Variants in EXOC2 observed in about 807,000 individuals in gnomAD.
EXOC2 encodes SEC5-like 1.
A neutral mutation model predicts 131.8 loss-of-function variants in EXOC2; 70 were observed. That is an observed-to-expected ratio of 0.53 (90% CI 0.44 to 0.65). The LOEUF (loss-of-function observed/expected upper bound fraction) is 0.65. Among genes scored for constraint, EXOC2 ranks in the 30% least tolerant of loss-of-function variants. The pLI, the probability that EXOC2 is intolerant of heterozygous loss-of-function variation, is 0.00. For synonymous variants in EXOC2, 411 were observed against 398.4 expected, an observed-to-expected ratio of 1.03 and a Z score of -0.38; for missense variants, 923 against 1,108.6, an observed-to-expected ratio of 0.83 and a Z score of 2.38.
intron 5 of EXOC2, 39 bp from the exon 6 acceptor site, chr6:617,874 A>T (rs2127677316): frequency 6.3e-7 from 1 of 1,596,372 alleles, no homozygotes; most frequent in East Asian, 2.2e-5. Context: ...GACACTTCTA[A>T]CATGCAAGAA....
At chr6:502,495 G>A (rs1429343805) in intron 23 of EXOC2, among the ~76,000 whole-genome samples, 2 of 152,046 alleles carry the variant, frequency 1.3e-5, no homozygotes, top group African/African-American at 2.4e-5. Flanking sequence ...CTCGGACCCC[G>A]ACATCATAAA....
At chr6:610,730 A>G (rs145028253) in intron 6 of EXOC2, among the ~76,000 whole-genome samples, 157 of 152,366 alleles carry the variant, frequency 1.0e-3, no homozygotes, top group African/African-American at 3.5e-3. Context: ...TCTCAAATGC[A>G]CTATGAATAC....
At chr6:543,049 C>T (rs1175114729) in intron 22 of EXOC2, among the ~76,000 whole-genome samples, 4 of 152,146 alleles carry the variant, frequency 2.6e-5, no homozygotes, top group African/African-American at 9.7e-5. Context: ...AGCAAAGCAA[C>T]CGCTAGGAAG....
chr6:582,487 G>A (rs1237156096), intron 11 of EXOC2, among the ~76,000 whole-genome samples: 1 of 152,082 alleles, frequency 6.6e-6, no homozygotes, highest in African/African-American at 2.4e-5. Flanking sequence ...CCTGCGCACA[G>A]CGGGCCGTTG....
At chr6:565,784 CATG>C (rs1293574200) in intron 13 of EXOC2, among the ~76,000 whole-genome samples, 4 of 152,156 alleles carry the variant, frequency 2.6e-5, no homozygotes, top group African/African-American at 9.7e-5. Flanking sequence ...TATAAATTAT[CATG>C]ATATTGACTT....
intron 22 of EXOC2, among the ~76,000 whole-genome samples, chr6:544,913 C>T (rs1017153416): frequency 2.6e-5 from 4 of 151,670 alleles, no homozygotes; most frequent in East Asian, 1.9e-4. Context: ...TTTGGGAGGC[C>T]GAGGCGGGTG....
intron 24 of EXOC2, 30 bp from the exon 25 acceptor site, chr6:497,519 T>C (rs1034119955): frequency 8.2e-6 from 13 of 1,585,728 alleles, no homozygotes; most frequent in Non-Finnish European, 1.1e-5. Context: ...CATGGTGCTT[T>C]GTGGGGCTTT....
At position 693,041 on chromosome 6, in the gene EXOC2, C is replaced by T. The variant is rs891658138; in HGVS notation, c.-66G>A. 2.6e-5 allele frequency: 4 copies of T among 152,446 alleles called. No individual in the cohort carries two copies. Among genetic ancestry groups the T allele is most frequent in the African/African-American group, 9.6e-5 (4 of 41,480 alleles). The allele number at this position is 152,446 out of a possible 1,614,324, so 9.4% of individuals were successfully genotyped here. ...TACCTCCAGCCGTCCTGCCGCAGCT[C>T]ACGGCCGGCACAGACAGGGCCCGGT... is the stretch of plus-strand genomic sequence containing the variant. On this transcript the variant is annotated 5_prime_UTR_variant, in exon 1 of 28. Transcript: ENST00000230449.
At chr6:596,153 C>A (rs557031211) in intron 10 of EXOC2, among the ~76,000 whole-genome samples, 1 of 151,988 alleles carries the variant, frequency 6.6e-6, no homozygotes, top group Non-Finnish European at 1.5e-5. Context: ...ATGCTGCACA[C>A]GTGCAGGGGT....
At chr6:602,925 G>A (rs1288844692) in intron 7 of EXOC2, among the ~76,000 whole-genome samples, 1 of 152,172 alleles carries the variant, frequency 6.6e-6, no homozygotes, top group Non-Finnish European at 1.5e-5. Context: ...CTTAACAACG[G>A]AACAAACATC....
intron 12 of EXOC2, among the ~76,000 whole-genome samples, chr6:573,155 C>T (rs1758379781): frequency 6.6e-6 from 1 of 152,240 alleles, no homozygotes; most frequent in South Asian, 2.1e-4. Context: ...AGTGCAATCA[C>T]ATACTAAATA....
At chr6:656,836 C>T in intron 1 of EXOC2, 1 of 1,610,684 alleles carries the variant, frequency 6.2e-7, no homozygotes, top group Non-Finnish European at 8.5e-7. Flanking sequence ...CACAGGCTGT[C>T]AGGGCGCACG....
chr6:681,441 T>G (rs1464986082), intron 1 of EXOC2, among the ~76,000 whole-genome samples: 1 of 152,202 alleles, frequency 6.6e-6, no homozygotes, highest in East Asian at 1.9e-4. Context: ...GGTGCAGATC[T>G]TTAATGCTGT....
intron 23 of EXOC2, among the ~76,000 whole-genome samples, chr6:511,666 C>A (rs1466202341): frequency 6.6e-6 from 1 of 152,220 alleles, no homozygotes; most frequent in Non-Finnish European, 1.5e-5. Context: ...CAGGGGCCTG[C>A]GTTTCTAAAG....
At chr6:488,862 C>G (rs574489964) in intron 27 of EXOC2, 117 bp downstream of exon 27, 1 of 1,099,610 alleles carries the variant, frequency 9.1e-7, no homozygotes, top group Non-Finnish European at 1.3e-6. Flanking sequence ...TATTCTGATT[C>G]TTATTTGGAT....
At chr6:526,137 ACACACACACG>A (rs988711304) in intron 23 of EXOC2, among the ~76,000 whole-genome samples, 1 of 152,172 alleles carries the variant, frequency 6.6e-6, no homozygotes, top group African/African-American at 2.4e-5. Context: ...ATGTGTGCAT[ACACACACACG>A]CACACACACG....
intron 1 of EXOC2, among the ~76,000 whole-genome samples, chr6:658,666 T>TA (rs1554146211): frequency 0.32 from 20,362 of 63,450 alleles, 2,014 homozygotes; most frequent in East Asian, 0.48. Flanking sequence ...TATATATATA[T>TA]TTTTTTTTTT....
chr6:491,953 T>C (rs1471389572), intron 25 of EXOC2, among the ~76,000 whole-genome samples: 1 of 152,226 alleles, frequency 6.6e-6, no homozygotes, highest in African/African-American at 2.4e-5. Flanking sequence ...GGCAACTGGA[T>C]ATCCACATGC....
At chr6:658,666 T>TATATATATATA (rs1554146211) in intron 1 of EXOC2, among the ~76,000 whole-genome samples, 18 of 65,926 alleles carry the variant, frequency 2.7e-4, no homozygotes, top group African/African-American at 6.9e-4. Flanking sequence ...TATATATATA[T>TATATATATATA]TTTTTTTTTT....
Sources: allele counts gnomAD v4.1 joint callset (sites outside exome capture counted in the v4.1 genomes callset), GRCh38; gene constraint gnomAD v4.1.1; transcripts MANE v1.5; gene names NCBI Gene and HGNC (gene_info 2026-07-23, HGNC 2026-07-21).